Variants in SRRM2 observed in about 807,000 individuals in gnomAD.
SRRM2 encodes serine/arginine repetitive matrix 2, also known as serine/arginine repetitive matrix protein 2.
Under a neutral mutation model 213.8 loss-of-function variants are expected in SRRM2, and 30 were observed. The observed-to-expected ratio is 0.14, with a 90% CI of 0.10 to 0.19. The LOEUF is 0.19. SRRM2 is among the 10% of genes least tolerant of loss of function. The pLI, the probability that SRRM2 is intolerant of heterozygous loss-of-function variation, is 1.00. For synonymous variants in SRRM2, 2,025 were observed against 1,377.7 expected (o/e 1.47, Z -10.40); for missense variants, 4,904 against 3,647.0 (o/e 1.34, Z -8.88).
intron 4 of SRRM2, 74 bp from the exon 5 acceptor site, chr16:2,758,396 G>A: frequency 7.8e-7 from 1 of 1,288,058 alleles, no homozygotes. Context: ...TATTTTTTTA[G>A]ACTCTGTCTT....
rs778841659 is a variant in SRRM2, at chr16:2,766,390, T to C, written c.5862T>C (p.Thr1954=). 4.3e-6 allele frequency: 7 copies of C among 1,613,988 alleles called. No individual in the cohort carries two copies. Among genetic ancestry groups the C allele is most frequent in the East Asian group, 4.5e-5 (2 of 44,878 alleles). The change falls in exon 11 of 15, where the codon ACT becomes ACC. Residue 1954 remains threonine (T), a synonymous_variant. Transcript: ENST00000301740. This position sits in a 1 kb window ranked among gnomAD's most constrained non-coding sequence, Gnocchi z 7.0. ...CCCGTTCTAGAACTCCACCAGTGAC[T>C]CGCAGAAGGTCCAGATCCAGGACTC... ...RRSRSRTPPV[T]RRRSRSRTPP... is the part of the protein sequence containing the mutation.
rs1596265594 is a variant in SRRM2 at position 2,758,077 on chromosome 16, A to G, written c.515+132A>G. 1.0e-5 allele frequency: 12 copies of G among 1,197,778 alleles called. No individual in the cohort carries two copies. In the East Asian group the frequency reaches 2.1e-4, roughly 21 times the overall value. The allele number at this position is 1,197,778 out of a possible 1,614,324, so 74.2% of individuals were successfully genotyped here. On this transcript the variant is annotated intron_variant, in intron 4 of 14. Coordinates refer to ENST00000301740, the MANE Select transcript of SRRM2 (RefSeq NM_016333.4). ...TGTTCTTCTGAAGTTGAGGTGTCCAAAAAAATGTGTCCAAGGGTTAGTCAC... is the reference window on the plus strand; with the variant it reads ...TGTTCTTCTGAAGTTGAGGTGTCCAGAAAAATGTGTCCAAGGGTTAGTCAC...
Position 2,768,017 on chromosome 16 carries a change from C to T in SRRM2, c.7489C>T (p.Pro2497Ser), listed in dbSNP as rs1172233319. The change falls in exon 11 of 15, where the codon CCT becomes TCT. Residue 2497 changes from proline (P) to serine (S), a missense_variant. Transcript: ENST00000301740. ...AGDHNGMLSV[P>S]APGVPHSDVG... Reference sequence around the variant, plus strand: ...TGATCACAATGGCATGCTCTCTGTCCCTGCCCCTGGGGTGCCCCACTCTGA... The same window carrying T: ...TGATCACAATGGCATGCTCTCTGTCTCTGCCCCTGGGGTGCCCCACTCTGA... The T allele has an allele frequency of 3.7e-6, 6 of 1,614,058 alleles. No homozygotes were observed. Among genetic ancestry groups the T allele is most frequent in the African/African-American group, 2.7e-5 (2 of 74,926 alleles).
Position 2,752,704 on chromosome 16 carries a change from A to G in SRRM2, c.-174A>G, listed in dbSNP as rs1233920839. On this transcript the variant is annotated 5_prime_UTR_variant, in exon 1 of 15. Transcript: ENST00000301740. ...CAGTTGGAGCCCGTTGCGGCCCCTG[A>G]GGAAGCGAGGAGGCGTCGGCGTCGG... is the stretch of plus-strand genomic sequence containing the variant. The G allele has an allele frequency of 5.8e-6, 2 of 342,918 alleles. No individual in the cohort carries two copies. The highest frequency in any genetic ancestry group is 5.8e-6 in the Non-Finnish European group (1 of 171,940). 21.2% of individuals were successfully genotyped at this position (342,918 alleles called of 1,614,324 possible). A position where few individuals can be genotyped will look rare whatever the true frequency, so the allele number is the denominator to read the frequency against.
chr16:2,755,522 C>G (rs2068110140), intron 1 of SRRM2, among the ~76,000 whole-genome samples: 1 of 152,092 alleles, frequency 6.6e-6, no homozygotes, highest in South Asian at 2.1e-4. Flanking sequence ...TATTTGACAG[C>G]TGGCAAGACA....
intron 12 of SRRM2, 48 bp from the exon 13 acceptor site, chr16:2,770,304 G>A (rs1237170061): frequency 6.6e-6 from 10 of 1,518,646 alleles, no homozygotes; most frequent in Middle Eastern, 2.1e-4. Context: ...GTGCTGGCCC[G>A]TGTGCTTGAA....
chr16:2,771,261 C>T lies in SRRM2; in HGVS notation c.*394C>T. On this transcript the variant is annotated 3_prime_UTR_variant, in exon 15 of 15. Coordinates refer to ENST00000301740, the MANE Select transcript of SRRM2 (RefSeq NM_016333.4). The stretch of plus-strand genomic sequence containing the variant: ...ATAAGGTGTTCTTGGAAGGAAGGGG[C>T]AGGAGTTGGAATTAGTTGGTCCCTA... The T allele has an allele frequency of 1.3e-6, 1 of 752,008 alleles. No individual in the cohort carries two copies. Among genetic ancestry groups the T allele is most frequent in the Non-Finnish European group, 2.3e-6 (1 of 435,082 alleles). The allele number at this position is 752,008 out of a possible 1,614,324, so 46.6% of individuals were successfully genotyped here. A position where few individuals can be genotyped will look rare whatever the true frequency, so the allele number is the denominator to read the frequency against.
chr16:2,765,682 T>A lies in SRRM2; in HGVS notation c.5154T>A (p.Ser1718=), dbSNP rs754389524. ...CCTCATCCTCACCAGAAACTCGCTC[T>A]AGAACTCCCCCAAGGCACCGGAGAA... The part of the protein sequence containing the change: ...RSASSSPETR[S]RTPPRHRRSP... Residue 1718 remains serine (S), a synonymous_variant, in exon 11 of 15, where the codon TCT becomes TCA. Coordinates refer to ENST00000301740, the MANE Select transcript of SRRM2 (RefSeq NM_016333.4). 6.2e-7 allele frequency: 1 copy of A among 1,614,130 alleles called. No individual in the cohort carries two copies. Among genetic ancestry groups the A allele is most frequent in the East Asian group, 2.2e-5 (1 of 44,876 alleles).
Position 2,766,578 on chromosome 16 carries a change from G to A in SRRM2, c.6050G>A (p.Arg2017His), listed in dbSNP as rs141721695. ...CGAACCTCACCAGTGACACGCCGCC[G>A]CTCTAGGTCCCGGACACCTCCAGCT... ...RSRTSPVTRR[R>H]SRSRTPPAIR... Residue 2017 changes from arginine (R) to histidine (H), a missense_variant, in exon 11 of 15, where the codon CGC (arginine) becomes CAC (histidine). Coordinates refer to ENST00000301740, the MANE Select transcript of SRRM2 (RefSeq NM_016333.4). This position sits in a 1 kb window ranked among gnomAD's most constrained non-coding sequence, Gnocchi z 7.0. 2.0e-5 allele frequency: 33 copies of A among 1,613,972 alleles called. No individual in the cohort carries two copies. The highest frequency in any genetic ancestry group is 2.0e-4 in the African/African-American group (15 of 74,872).
chr16:2,764,902 C>G lies in SRRM2; in HGVS notation c.4374C>G (p.Ser1458Arg). Residue 1458 changes from serine (S) to arginine (R), a missense_variant, in exon 11 of 15, where the codon AGC becomes AGG. Physicochemically the swap from Ser to Arg is moderately radical, Grantham distance 110. Transcript: ENST00000301740. ...RDGSGTPSRH[S>R]LSGSSPGMKD... ...GGTCTGGGACTCCCTCGAGGCACAGCCTGTCTGGGTCCTCTCCTGGAATGA... is the reference window on the plus strand; with the variant it reads ...GGTCTGGGACTCCCTCGAGGCACAGGCTGTCTGGGTCCTCTCCTGGAATGA... 1 of 1,614,166 alleles carries G rather than the reference C, an allele frequency of 6.2e-7. No homozygotes were observed. Among genetic ancestry groups the G allele is most frequent in the Non-Finnish European group, 8.5e-7 (1 of 1,180,036 alleles).
In SRRM2 at chr16:2,764,761, C is replaced by G; in HGVS notation, c.4233C>G (p.Pro1411=). 1 of 1,614,134 alleles carries G rather than the reference C, an allele frequency of 6.2e-7. No individual in the cohort carries two copies. Among genetic ancestry groups the G allele is most frequent in the Non-Finnish European group, 8.5e-7 (1 of 1,180,016 alleles). Residue 1411 remains proline (P), a synonymous_variant, in exon 11 of 15, where the codon CCC becomes CCG. Coordinates refer to ENST00000301740, the MANE Select transcript of SRRM2 (RefSeq NM_016333.4). ...SISSPVLDAV[P]RTPSRERSSS... is the part of the protein sequence containing the mutation. ...CTTCACCTGTGCTTGATGCTGTACCCAGAACACCCTCGAGAGAAAGAAGTA... is the reference window on the plus strand; with the variant it reads ...CTTCACCTGTGCTTGATGCTGTACCGAGAACACCCTCGAGAGAAAGAAGTA...
At position 2,759,450 on chromosome 16, in the gene SRRM2, C is replaced by T. The variant is rs368275451; in HGVS notation, c.740+48C>T. ...TGCTTAGGAAGTAAGTGAACGCCAC[C>T]TTAGTGGGAGGGAGTTGAATGAGTT... On this transcript the variant is annotated intron_variant, in intron 8 of 14. Transcript: ENST00000301740. 5 of 1,596,114 alleles carry T rather than the reference C, an allele frequency of 3.1e-6. No homozygotes were observed. The African/African-American group carries it at 4.0e-5, about 13-fold the overall frequency.
In SRRM2 at chr16:2,756,391, GC is replaced by G; in HGVS notation, c.31del (p.Arg11GlyfsTer40). On this transcript the variant is annotated frameshift_variant, in exon 2 of 15. Coordinates refer to ENST00000301740, the MANE Select transcript of SRRM2 (RefSeq NM_016333.4). LOFTEE classifies it high-confidence loss of function. MYNGIGLPT[P>X]RGSGTNGYVQ... Reference sequence around the variant, plus strand: ...TGTACAACGGGATCGGGCTGCCGACGCCCCGGGGCAGCGGCACCAACGGCTA... The same window carrying G: ...TGTACAACGGGATCGGGCTGCCGACGCCCGGGGCAGCGGCACCAACGGCTA... The G allele has an allele frequency of 6.2e-7, 1 of 1,608,102 alleles. No individual in the cohort carries two copies. The highest frequency in any genetic ancestry group is 8.5e-7 in the Non-Finnish European group (1 of 1,178,044).
At position 2,765,598 on chromosome 16, in the gene SRRM2, C is replaced by G; in HGVS notation, c.5070C>G (p.Ser1690Arg). The change falls in exon 11 of 15, where the codon AGC becomes AGG. Residue 1690 changes from serine to arginine, a missense_variant. Physicochemically the swap from Ser to Arg is moderately radical, Grantham distance 110. Transcript: ENST00000301740. ...TKSRTPPRRRSSRSSPELTRK... is the reference protein window; with the variant it reads ...TKSRTPPRRRRSRSSPELTRK... ...CTCGTACACCACCTCGACGTCGCAG[C>G]TCTCGATCATCTCCGGAGCTAACAA... The G allele has an allele frequency of 6.2e-7, 1 of 1,614,184 alleles. No individual in the cohort carries two copies. Among genetic ancestry groups the G allele is most frequent in the Non-Finnish European group, 8.5e-7 (1 of 1,180,028 alleles).
rs770514962 is a variant in SRRM2, at chr16:2,758,590, C to T, written c.593+43C>T. On this transcript the variant is annotated intron_variant, in intron 5 of 14. Transcript: ENST00000301740. ...TGACTCTGATAGCCAGAGGACCAAT[C>T]CTGTGGTGTACCTTTCTCTCTGGAA... 2.3e-5 allele frequency: 36 copies of T among 1,558,008 alleles called. 1 individual carries two copies. In the South Asian group the frequency reaches 3.2e-4, roughly 14 times the overall value.
Position 2,766,145 on chromosome 16 carries a change from C to G in SRRM2, c.5617C>G (p.His1873Asp). ...TAGATCTCGAGCCTCTCCAGCCACT[C>G]ACCGGCGATCCAGGTCCAGAACCCC... Reference protein sequence around the residue: ...RSRSRASPATHRRSRSRTPLI... With the variant: ...RSRSRASPATDRRSRSRTPLI... The change falls in exon 11 of 15, where the codon CAC becomes GAC. Residue 1873 changes from histidine to aspartate, a missense_variant. His to Asp is a moderately conservative substitution (Grantham distance 81). Coordinates refer to ENST00000301740, the MANE Select transcript of SRRM2 (RefSeq NM_016333.4). The surrounding 1 kb of genome is among the most constrained non-coding windows in gnomAD (Gnocchi z 7.0). The G allele has an allele frequency of 6.2e-7, 1 of 1,614,206 alleles. No homozygotes were observed. Among genetic ancestry groups the G allele is most frequent in the Non-Finnish European group, 8.5e-7 (1 of 1,180,040 alleles).
intron 9 of SRRM2, chr16:2,759,893 T>C (rs1008234379): frequency 1.8e-6 from 1 of 557,448 alleles, no homozygotes; most frequent in Non-Finnish European, 3.2e-6. Context: ...TTCTGATGTA[T>C]ATGGACTGCC....
chr16:2,760,473 G>A lies in SRRM2; in HGVS notation c.1006G>A (p.Glu336Lys). The change falls in exon 10 of 15, where the codon GAA becomes AAA. Residue 336 changes from glutamate to lysine, a missense_variant. Physicochemically the swap from Glu to Lys is moderately conservative, Grantham distance 56. Coordinates refer to ENST00000301740, the MANE Select transcript of SRRM2 (RefSeq NM_016333.4). ...TACGAAACAGCCTAGCAGCCCTTAT[G>A]AAGACAAAGATAAAGACAAGAAGGA... Reference protein sequence around the residue: ...TATKQPSSPYEDKDKDKKEKS... With the variant: ...TATKQPSSPYKDKDKDKKEKS... 6.2e-7 allele frequency: 1 copy of A among 1,614,158 alleles called. No individual in the cohort carries two copies. Among genetic ancestry groups the A allele is most frequent in the Non-Finnish European group, 8.5e-7 (1 of 1,180,022 alleles).
rs373076396 is a variant in SRRM2 at position 2,762,211 on chromosome 16, G to A, written c.1683G>A (p.Arg561=). 311 of 1,613,888 alleles carry A rather than the reference G, an allele frequency of 1.9e-4. No homozygotes were observed. The highest frequency in any genetic ancestry group is 2.4e-4 in the Non-Finnish European group (284 of 1,179,994). ...RGRSRSARRG[R]SHSRSPATRG... ...GGTCTAGGTCAGCAAGGCGAGGGAG[G>A]TCCCACTCTAGATCCCCAGCCACTA... The change falls in exon 11 of 15, where the codon AGG becomes AGA. Residue 561 remains arginine (R), a synonymous_variant. Transcript: ENST00000301740.
Sources: gnomAD v4.1 joint callset for allele counts (sites outside exome capture counted in the v4.1 genomes callset) on GRCh38, gnomAD v4.1.1 for gene constraint, Gnocchi (gnomAD v3.1) non-coding constraint, MANE v1.5 for transcripts, NCBI Gene and HGNC (gene_info 2026-07-23, HGNC 2026-07-21) for gene names.